FGF13: variants seen among roughly 807,000 people sequenced by gnomAD.
FGF13 encodes the protein fibroblast growth factor homologous factor 2.
FGF13 carries 2 observed loss-of-function variants against 19.5 expected under a neutral mutation model. That is an observed-to-expected ratio of 0.10 (90% CI 0.04 to 0.32). The LOEUF (loss-of-function observed/expected upper bound fraction) is 0.32. FGF13 is among the 10% of genes least tolerant of loss of function. The pLI is 1.00. For missense variants in FGF13, 113 were observed against 192.7 expected (o/e 0.59, Z 2.45); for synonymous variants, 72 against 76.9 (o/e 0.94, Z 0.33).
intron 3 of FGF13, among the ~76,000 whole-genome samples, chrX:138,666,080 C>T (rs1328139810): frequency 1.8e-5 from 2 of 110,923 alleles, no homozygotes; most frequent in Non-Finnish European, 3.8e-5. Context: ...AATTCCCTGG[C>T]ATTTACATTG....
At chrX:138,968,073 T>A (rs2091901943) in intron 1 of FGF13, among the ~76,000 whole-genome samples, 1 of 111,565 alleles carries the variant, frequency 9.0e-6, no homozygotes, top group Non-Finnish European at 1.9e-5. Context: ...CTCTTTCTAT[T>A]TCACCTTGAT....
chrX:138,651,353 C>G (rs1235687928), intron 3 of FGF13, among the ~76,000 whole-genome samples: 2 of 112,327 alleles, frequency 1.8e-5, no homozygotes, highest in African/African-American at 6.5e-5. Flanking sequence ...GACAGGAAGA[C>G]AGACATACAC....
chrX:138,776,328 G>C (rs969228296), intron 3 of FGF13, among the ~76,000 whole-genome samples: 14 of 112,508 alleles, frequency 1.2e-4, no homozygotes, highest in Admixed American at 8.4e-4. Context: ...TGCACACATT[G>C]TAGAGCTTAT....
At chrX:138,867,805 C>G (rs1340937098) in intron 1 of FGF13, among the ~76,000 whole-genome samples, 3 of 103,160 alleles carry the variant, frequency 2.9e-5, no homozygotes, top group African/African-American at 1.1e-4. Flanking sequence ...ATCTATCTAT[C>G]TATCTATCTA....
chrX:138,972,056 T>TTGTGTGTGTGTGTGTGTGTG (rs370317832), intron 1 of FGF13, among the ~76,000 whole-genome samples: 111 of 94,985 alleles, frequency 1.2e-3, no homozygotes, highest in African/African-American at 2.6e-3. Context: ...TAGTATTCTA[T>TTGTGTGTGTGTGTGTGTGTG]TGTGTGTGTG....
rs1424299583 is a variant in FGF13, at chrX:138,976,737, A to G, written c.-112-112087T>C. ...AAAATATTTGTGCAAATTTTCTGCA[A>G]AAAAGCCCATTGAAAATGGATTAAG... On this transcript the variant is annotated intron_variant, in intron 1 of 2. Coordinates refer to the FGF13 transcript ENST00000421460. 3.6e-5 allele frequency among the ~76,000 whole-genome samples: 4 copies of G among 111,310 alleles called. No homozygotes were observed. In the East Asian group the frequency reaches 1.1e-3, roughly 31 times the overall value.
At chrX:138,911,435 G>T (rs762107615) in intron 1 of FGF13, among the ~76,000 whole-genome samples, 14 of 109,331 alleles carry the variant, frequency 1.3e-4, no homozygotes, top group Admixed American at 9.8e-4. Context: ...ACACACAGAG[G>T]GGGGCAACAC....
chrX:138,729,137 A>G (rs2090208679), intron 1 of FGF13, among the ~76,000 whole-genome samples: 1 of 111,863 alleles, frequency 8.9e-6, no homozygotes, highest in Non-Finnish European at 1.9e-5. Context: ...ACAAGAAAAG[A>G]CTTACAAAAA....
intron 1 of FGF13, among the ~76,000 whole-genome samples, chrX:139,024,797 T>C (rs1463775292): frequency 9.0e-6 from 1 of 111,587 alleles, no homozygotes; most frequent in Non-Finnish European, 1.9e-5. Context: ...GTATTGGTGA[T>C]CTGGCCCTGT....
chrX:139,197,926 G>A (rs1035338089), intron 1 of FGF13, among the ~76,000 whole-genome samples: 3 of 103,325 alleles, frequency 2.9e-5, no homozygotes, highest in African/African-American at 1.1e-4. Flanking sequence ...CCTGGGAGGC[G>A]GAGGTTGCAG....
chrX:139,031,500 T>C (rs1009564013), intron 1 of FGF13, among the ~76,000 whole-genome samples: 10 of 111,180 alleles, frequency 9.0e-5, no homozygotes, highest in African/African-American at 3.3e-4. Flanking sequence ...TATGAGGTCA[T>C]TATAAAGTAG....
intron 3 of FGF13, among the ~76,000 whole-genome samples, chrX:138,812,549 G>A (rs1338413747): frequency 2.7e-5 from 3 of 110,890 alleles, no homozygotes; most frequent in Non-Finnish European, 5.7e-5. Context: ...AGAATTTATG[G>A]CTCTTATACC....
intron 1 of FGF13, among the ~76,000 whole-genome samples, chrX:139,185,468 C>A (rs1411174875): frequency 2.7e-5 from 3 of 111,957 alleles, no homozygotes; most frequent in Admixed American, 9.5e-5. Context: ...TAAGTGAGTT[C>A]TTGCCAGTTG....
chrX:138,671,630 CA>C (rs763243282), intron 3 of FGF13, among the ~76,000 whole-genome samples: 227 of 111,129 alleles, frequency 2.0e-3, no homozygotes, highest in African/African-American at 7.1e-3. Context: ...AGACAATAAA[CA>C]AATAAGCAAG....
At position 138,622,836 on chromosome X, in the gene FGF13, A is replaced by T. The variant is rs2089025715; in HGVS notation, c.*10014T>A. 9.0e-6 allele frequency: 1 copy of T among 111,727 alleles called. No homozygotes were observed. Among genetic ancestry groups the T allele is most frequent in the South Asian group, 3.7e-4 (1 of 2,679 alleles). 9.2% of individuals were successfully genotyped at this position (111,727 alleles called of 1,213,427 possible). A position where few individuals can be genotyped will look rare whatever the true frequency, so the allele number is the denominator to read the frequency against. On this transcript the variant is annotated 3_prime_UTR_variant, in exon 5 of 5. Coordinates refer to ENST00000315930, the MANE Select transcript of FGF13 (RefSeq NM_004114.5). ...TGTAAAAGATTCGATTAAGATTTTG[A>T]TAGGGCTTGCATTGACTCTGTAGAT...
chrX:138,639,096 T>G (rs1029464863), intron 3 of FGF13, among the ~76,000 whole-genome samples: 5 of 111,997 alleles, frequency 4.5e-5, no homozygotes, highest in Non-Finnish European at 7.5e-5. Context: ...GGCTTGATTT[T>G]TATCAAATGT....
chrX:139,141,810 T>C (rs749775157), intron 1 of FGF13, among the ~76,000 whole-genome samples: 1 of 112,568 alleles, frequency 8.9e-6, no homozygotes, highest in African/African-American at 3.2e-5. Flanking sequence ...ATATATTCTA[T>C]TCAATACTCT....
In FGF13 at chrX:138,823,687, A is replaced by G. The variant is rs191808635; in HGVS notation, c.217+33825T>C. 1.4e-4 allele frequency among the ~76,000 whole-genome samples: 16 copies of G among 111,812 alleles called. No individual in the cohort carries two copies. In the South Asian group the frequency reaches 2.6e-3, roughly 18 times the overall value. ...TACTCCTGCTATTACTACTATAAGT[A>G]CTGTAAATAACACCATGACTGCAAT... is the stretch of plus-strand genomic sequence containing the variant. On this transcript the variant is annotated intron_variant, in intron 3 of 6. Coordinates refer to the FGF13 transcript ENST00000436198.
chrX:138,858,380 G>A (rs1480350517), intron 2 of FGF13, among the ~76,000 whole-genome samples: 1 of 111,582 alleles, frequency 9.0e-6, no homozygotes, highest in Non-Finnish European at 1.9e-5. Context: ...TTCTTTCTAG[G>A]CTCTTTATAT....
Sources: allele counts gnomAD v4.1 joint callset (sites outside exome capture counted in the v4.1 genomes callset), GRCh38; gene constraint gnomAD v4.1.1; transcripts MANE v1.5; gene names NCBI Gene and HGNC (gene_info 2026-07-23, HGNC 2026-07-21).